The following LYPLAL1 variants were observed in gnomAD, a reference collection of about 807,000 sequenced individuals.
LYPLAL1 encodes lysophospholipase-like protein 1.
Under a neutral mutation model 19.7 loss-of-function variants are expected in LYPLAL1, and 23 were observed. The observed-to-expected ratio is 1.17, with a 90% CI of 0.84 to 1.65. The LOEUF is 1.65. LYPLAL1 is among the 40% of genes most tolerant of loss of function. The pLI, the probability that LYPLAL1 is intolerant of heterozygous loss-of-function variation, is 0.00. For missense variants in LYPLAL1, 355 were observed against 279.4 expected (o/e 1.27, Z -1.93); for synonymous variants, 119 against 96.3 (o/e 1.24, Z -1.38).
At chr1:219,337,611 C>A in the LYPLAL1 span, among the ~76,000 whole-genome samples, 2 of 151,982 alleles carry the variant, frequency 1.3e-5, no homozygotes, top group African/African-American at 4.8e-5. Flanking sequence ...GAGGCTGTTC[C>A]ATTTCTGTTC....
At chr1:219,230,322 A>G in the LYPLAL1 span, among the ~76,000 whole-genome samples, 19 of 152,190 alleles carry the variant, frequency 1.2e-4, no homozygotes, top group African/African-American at 4.6e-4. Flanking sequence ...CATATTGGCC[A>G]GGCTGATCTC....
At chr1:219,420,944 A>C in the LYPLAL1 span, among the ~76,000 whole-genome samples, 2 of 152,182 alleles carry the variant, frequency 1.3e-5, no homozygotes, top group Admixed American at 6.5e-5. Context: ...CTTACATCTT[A>C]GTTCTTTTAA....
chr1:219,323,963 AT>A, the LYPLAL1 span, among the ~76,000 whole-genome samples: 36 of 152,284 alleles, frequency 2.4e-4, no homozygotes, highest in African/African-American at 8.4e-4. Context: ...GTTTTGGCAG[AT>A]CATCAAAGCT....
the LYPLAL1 span, among the ~76,000 whole-genome samples, chr1:219,375,134 A>G: frequency 6.6e-6 from 1 of 152,216 alleles, no homozygotes; most frequent in Admixed American, 6.5e-5. Context: ...GACAAAGCAC[A>G]GGGAATACAG....
the LYPLAL1 span, among the ~76,000 whole-genome samples, chr1:219,257,163 G>A: frequency 7.2e-4 from 109 of 151,976 alleles, no homozygotes; most frequent in South Asian, 1.9e-3. Flanking sequence ...TCTCTGCTAT[G>A]ATTGTTAATT....
At chr1:219,230,680 T>C in the LYPLAL1 span, among the ~76,000 whole-genome samples, 2 of 152,260 alleles carry the variant, frequency 1.3e-5, no homozygotes, top group Admixed American at 1.3e-4. Flanking sequence ...TGTGTCTCCT[T>C]TAACCCTATT....
chr1:219,374,928 G>A, the LYPLAL1 span, among the ~76,000 whole-genome samples: 1 of 152,128 alleles, frequency 6.6e-6, no homozygotes. Flanking sequence ...AAATTACTTG[G>A]GGGGATGGAT....
At chr1:219,193,762 A>C (rs376093615) in intron 3 of LYPLAL1, among the ~76,000 whole-genome samples, 13 of 151,802 alleles carry the variant, frequency 8.6e-5, no homozygotes, top group Non-Finnish European at 1.3e-4. Context: ...ATTCTGCTTA[A>C]TACCTTTTTC....
chr1:219,254,786 C>T, the LYPLAL1 span, among the ~76,000 whole-genome samples: 1 of 151,766 alleles, frequency 6.6e-6, no homozygotes, highest in Non-Finnish European at 1.5e-5. Context: ...TCTTGCAGTT[C>T]TCTGTATTAA....
the LYPLAL1 span, among the ~76,000 whole-genome samples, chr1:219,326,891 A>T: frequency 6.6e-6 from 1 of 152,206 alleles, no homozygotes; most frequent in Non-Finnish European, 1.5e-5. Flanking sequence ...GGAGAACCAA[A>T]GCCCAAAGAG....
At chr1:219,437,607 G>A in the LYPLAL1 span, among the ~76,000 whole-genome samples, 1 of 151,958 alleles carries the variant, frequency 6.6e-6, no homozygotes. Context: ...TCAGGGAAAT[G>A]TTTCAGTAGA....
chr1:219,300,221 G>A, the LYPLAL1 span, among the ~76,000 whole-genome samples: 1 of 151,990 alleles, frequency 6.6e-6, no homozygotes, highest in Non-Finnish European at 1.5e-5. Context: ...TTGGCTCAAG[G>A]GATCCTCCCA....
intron 3 of LYPLAL1, among the ~76,000 whole-genome samples, chr1:219,195,338 T>C (rs1657518231): frequency 6.7e-6 from 1 of 149,968 alleles, no homozygotes; most frequent in Non-Finnish European, 1.5e-5. Flanking sequence ...AAGTCTGACA[T>C]GGAGAAACCA....
At chr1:219,184,799 T>G (rs1378051600) in intron 2 of LYPLAL1, among the ~76,000 whole-genome samples, 3 of 151,920 alleles carry the variant, frequency 2.0e-5, no homozygotes, top group Non-Finnish European at 2.9e-5. Context: ...TGTAATGTAT[T>G]ATCCTTTTTA....
At chr1:219,313,238 A>G in the LYPLAL1 span, among the ~76,000 whole-genome samples, 1 of 152,216 alleles carries the variant, frequency 6.6e-6, no homozygotes, top group Non-Finnish European at 1.5e-5. Context: ...GTCTACCGCC[A>G]CTACTGAGTT....
At chr1:219,322,700 G>A in the LYPLAL1 span, among the ~76,000 whole-genome samples, 3 of 152,054 alleles carry the variant, frequency 2.0e-5, no homozygotes, top group South Asian at 6.2e-4. Flanking sequence ...AAATCAGAAG[G>A]GTTAAGATTC....
chr1:219,211,791 C>A lies in LYPLAL1; in HGVS notation c.*63C>A. 1 of 1,011,214 alleles carries A rather than the reference C, an allele frequency of 9.9e-7. No individual in the cohort carries two copies. 62.6% of individuals were successfully genotyped at this position (1,011,214 alleles called of 1,614,324 possible). On this transcript the variant is annotated 3_prime_UTR_variant, in exon 5 of 5. Transcript: ENST00000366928. ...CTTTGTGAAAAGTGATTTTTACTGC[C>A]AAATTATAATGATAATTAAAATATT...
At chr1:219,298,299 G>C in the LYPLAL1 span, among the ~76,000 whole-genome samples, 2 of 152,148 alleles carry the variant, frequency 1.3e-5, no homozygotes, top group African/African-American at 4.8e-5. Flanking sequence ...GCTGGAGTAA[G>C]ACCCTGTCTC....
chr1:219,222,578 C>T, the LYPLAL1 span: 1 of 152,102 alleles, frequency 6.6e-6, no homozygotes, highest in Non-Finnish European at 1.5e-5. Flanking sequence ...CTGGTTTTTC[C>T]TTAGTAACCA....
Sources: gnomAD v4.1 joint callset for allele counts (sites outside exome capture counted in the v4.1 genomes callset) on GRCh38, gnomAD v4.1.1 for gene constraint, MANE v1.5 for transcripts, NCBI Gene and HGNC (gene_info 2026-07-23, HGNC 2026-07-21) for gene names.